The following HOMEZ variants were observed in gnomAD, a reference collection of about 807,000 sequenced individuals.
The protein encoded by HOMEZ is homeobox and leucine zipper encoding.
A neutral mutation model predicts 50.1 loss-of-function variants in HOMEZ; 20 were observed. That is an observed-to-expected ratio of 0.40 (90% CI 0.28 to 0.58). HOMEZ has a LOEUF of 0.58. HOMEZ is among the 20% of genes least tolerant of loss of function. The probability of loss-of-function intolerance (pLI) is 0.46; values close to 1 mark genes in which losing one functional copy is unlikely to be tolerated. For missense variants in HOMEZ, 579 were observed against 680.5 expected, an observed-to-expected ratio of 0.85 and a Z score of 1.66; for synonymous variants, 239 against 254.7, an observed-to-expected ratio of 0.94 and a Z score of 0.59.
At chr14:23,278,929 G>A (rs997206473) in intron 1 of HOMEZ, among the ~76,000 whole-genome samples, 2 of 152,074 alleles carry the variant, frequency 1.3e-5, no homozygotes, top group Admixed American at 1.3e-4. Flanking sequence ...ACCGGCCTCG[G>A]CCTCCCAAAG....
chr14:23,275,784 G>T lies in HOMEZ; in HGVS notation c.1444C>A (p.Pro482Thr). The T allele has an allele frequency of 6.2e-7, 1 of 1,612,948 alleles. No individual in the cohort carries two copies. The highest frequency in any genetic ancestry group is 8.5e-7 in the Non-Finnish European group (1 of 1,179,264). Residue 482 changes from proline to threonine, a missense_variant, in exon 2 of 2, where the codon CCT (proline) becomes ACT (threonine). Pro to Thr is a conservative substitution (Grantham distance 38). Coordinates refer to ENST00000357460, the MANE Select transcript of HOMEZ (RefSeq NM_020834.3). ...AGCCTTGATGCCTGACTCAATTGAG[G>T]GATATCAGTTTCCCGTAGCTGTTGG... ...AHQQLRETDI[P>T]QLSQASRLST... is the part of the protein sequence containing the mutation.
At chr14:23,280,731 T>TTTAC (rs1566451138) in intron 1 of HOMEZ, among the ~76,000 whole-genome samples, 1 of 71,588 alleles carries the variant, frequency 1.4e-5, no homozygotes, top group African/African-American at 6.0e-5. Context: ...TTTTATTTTA[T>TTTAC]TTTATTTTAT....
chr14:23,282,413 C>G (rs183569016), intron 1 of HOMEZ, among the ~76,000 whole-genome samples: 27 of 151,842 alleles, frequency 1.8e-4, no homozygotes, highest in Admixed American at 1.5e-3. Flanking sequence ...TGTGATAGTT[C>G]CACCTTTCGC....
rs962059031 is a variant in HOMEZ, at chr14:23,274,134, A to T, written c.*1441T>A. The T allele has an allele frequency of 5.2e-5, 8 of 152,596 alleles. No individual in the cohort carries two copies. Among genetic ancestry groups the T allele is most frequent in the African/African-American group, 1.9e-4 (8 of 41,430 alleles). The allele number at this position is 152,596 out of a possible 1,614,324, so 9.5% of individuals were successfully genotyped here. ...TTATTTTTAGATGGTTAACTCATTG[A>T]TGATACCTATTTGCCATATAGCTGA... On this transcript the variant is annotated 3_prime_UTR_variant, in exon 2 of 2. Coordinates refer to ENST00000357460, the MANE Select transcript of HOMEZ (RefSeq NM_020834.3).
chr14:23,284,590 T>G (rs1886621870), intron 1 of HOMEZ, among the ~76,000 whole-genome samples: 1 of 152,230 alleles, frequency 6.6e-6, no homozygotes, highest in African/African-American at 2.4e-5. Context: ...AACCTCATGT[T>G]AAACCTATGA....
intron 1 of HOMEZ, among the ~76,000 whole-genome samples, chr14:23,281,438 C>T (rs1051572548): frequency 3.9e-5 from 6 of 152,134 alleles, no homozygotes; most frequent in South Asian, 2.1e-4. Flanking sequence ...TGATCTCAGG[C>T]AAGTTACTTA....
intron 1 of HOMEZ, among the ~76,000 whole-genome samples, chr14:23,278,204 T>C (rs1886411498): frequency 6.6e-6 from 1 of 152,068 alleles, no homozygotes; most frequent in Non-Finnish European, 1.5e-5. Flanking sequence ...GGCACCATCA[T>C]AGCTCTGATA....
intron 1 of HOMEZ, among the ~76,000 whole-genome samples, chr14:23,282,750 A>G (rs1886583042): frequency 6.6e-6 from 1 of 152,232 alleles, no homozygotes; most frequent in African/African-American, 2.4e-5. Context: ...ACTTTCGTTT[A>G]GGTGGCTTGA....
chr14:23,280,264 T>A (rs1433311098), intron 1 of HOMEZ, among the ~76,000 whole-genome samples: 1 of 152,082 alleles, frequency 6.6e-6, no homozygotes, highest in Non-Finnish European at 1.5e-5. Flanking sequence ...TGTTTCCTCC[T>A]CCAAGTCAGC....
chr14:23,285,870 C>T (rs1485445139), intron 1 of HOMEZ, 43 bp downstream of exon 1: 6 of 1,158,638 alleles, frequency 5.2e-6, no homozygotes, highest in South Asian at 4.4e-5. Context: ...GGAGACCGTA[C>T]ACGAGCTGGG....
At chr14:23,281,188 G>A (rs1886547950) in intron 1 of HOMEZ, among the ~76,000 whole-genome samples, 1 of 152,174 alleles carries the variant, frequency 6.6e-6, no homozygotes, top group South Asian at 2.1e-4. Context: ...AGAGCAATGT[G>A]ATCGCAGGGA....
intron 1 of HOMEZ, among the ~76,000 whole-genome samples, chr14:23,281,388 C>A (rs866321065): frequency 6.6e-6 from 1 of 152,130 alleles, no homozygotes; most frequent in Non-Finnish European, 1.5e-5. Flanking sequence ...TAAGGCCAAC[C>A]TCTGAGTTTG....
intron 1 of HOMEZ, among the ~76,000 whole-genome samples, chr14:23,280,702 TATTTTTATTTTTATTTTA>T (rs1886490042): frequency 1.2e-5 from 1 of 85,012 alleles, no homozygotes; most frequent in African/African-American, 4.1e-5. Flanking sequence ...TTTATTTTTA[TATTTTTATTTTTATTTTA>T]TTTTATTTTA....
At chr14:23,279,601 G>A (rs942809635) in intron 1 of HOMEZ, among the ~76,000 whole-genome samples, 4 of 152,206 alleles carry the variant, frequency 2.6e-5, no homozygotes, top group African/African-American at 7.2e-5. Context: ...AGGAAGTTAA[G>A]TTTAAAAGTA....
intron 1 of HOMEZ, among the ~76,000 whole-genome samples, chr14:23,280,732 T>TTTACTTTA (rs1886512298): frequency 2.6e-5 from 2 of 77,722 alleles, no homozygotes; most frequent in African/African-American, 1.0e-4. Flanking sequence ...TTTATTTTAT[T>TTTACTTTA]TTATTTTATT....
At chr14:23,277,489 C>G (rs1329179475) in intron 1 of HOMEZ, among the ~76,000 whole-genome samples, 1 of 152,200 alleles carries the variant, frequency 6.6e-6, no homozygotes, top group Non-Finnish European at 1.5e-5. Flanking sequence ...CATGGTGGCT[C>G]ATGCCTGTAA....
chr14:23,275,616 CT>C lies in HOMEZ; in HGVS notation c.1611del (p.Asp538MetfsTer9), dbSNP rs1886330059. On this transcript the variant is annotated frameshift_variant, in exon 2 of 2. Transcript: ENST00000357460. LOFTEE classifies it high-confidence loss of function. ...ACATCATCATCATCATCATCATCAT[CT>C]TCCTCCTCCTCCTCCTCCTCTTCCT... ...DDEEEEEEEE[E>X]DDDDDDDDVI... 1.7e-5 allele frequency: 19 copies of C among 1,094,912 alleles called. No homozygotes were observed. The highest frequency in any genetic ancestry group is 1.6e-4 in the African/African-American group (9 of 56,352). The allele number at this position is 1,094,912 out of a possible 1,614,324, so 67.8% of individuals were successfully genotyped here.
rs765004878 is a variant in HOMEZ, at chr14:23,276,465, G to A, written c.763C>T (p.Pro255Ser). 1.9e-6 allele frequency: 3 copies of A among 1,613,918 alleles called. No individual in the cohort carries two copies. In the African/African-American group the frequency reaches 4.0e-5, roughly 22 times the overall value. ...GGTTTATCCCGAGCTTGTGGCTGGG[G>A]GACGGTTGTGGAGTGGTTCCAGGAA... Reference protein sequence around the residue: ...TASWNHSTTVPQPQARDKPPP... With the variant: ...TASWNHSTTVSQPQARDKPPP... The change falls in exon 2 of 2, where the codon CCC becomes TCC. Residue 255 changes from proline (P) to serine (S), a missense_variant. Coordinates refer to ENST00000357460, the MANE Select transcript of HOMEZ (RefSeq NM_020834.3). This position sits in a 1 kb window ranked among gnomAD's most constrained non-coding sequence, Gnocchi z 4.1.
Position 23,272,755 on chromosome 14 carries a change from C to A in HOMEZ, c.*2820G>T. ...TCTCGATAAGCTTCATACAACAGGT[C>A]AGAGAGACTTGCTTGCCCTTTTTGC... is the stretch of plus-strand genomic sequence containing the variant. On this transcript the variant is annotated 3_prime_UTR_variant, in exon 2 of 2. Transcript: ENST00000357460. 1.0e-6 allele frequency: 1 copy of A among 955,222 alleles called. No individual in the cohort carries two copies. Among genetic ancestry groups the A allele is most frequent in the South Asian group, 1.4e-5 (1 of 72,174 alleles). The allele number at this position is 955,222 out of a possible 1,614,324, so 59.2% of individuals were successfully genotyped here. A position where few individuals can be genotyped will look rare whatever the true frequency, so the allele number is the denominator to read the frequency against.
Sources: gnomAD v4.1 joint callset for allele counts (sites outside exome capture counted in the v4.1 genomes callset) on GRCh38, gnomAD v4.1.1 for gene constraint, Gnocchi (gnomAD v3.1) non-coding constraint, MANE v1.5 for transcripts, NCBI Gene and HGNC (gene_info 2026-07-23, HGNC 2026-07-21) for gene names.